ZNF141: variants seen among roughly 807,000 people sequenced by gnomAD.
The protein encoded by ZNF141 is zinc finger protein 141 (clone pHZ-44).
Under a neutral mutation model 11.3 loss-of-function variants are expected in ZNF141, and 7 were observed. The ratio of observed to expected loss-of-function variants is 0.62; its 90% CI spans 0.35 to 1.16. The LOEUF is 1.16. ZNF141 is among the 50% of genes most tolerant of loss of function. The probability of loss-of-function intolerance (pLI) is 0.02; values close to 1 mark genes in which losing one functional copy is unlikely to be tolerated. For synonymous variants in ZNF141, 183 were observed against 190.7 expected (o/e 0.96, Z 0.33); for missense variants, 535 against 554.0 (o/e 0.97, Z 0.34).
At chr4:353,703 C>G (rs1388663474) in intron 3 of ZNF141, among the ~76,000 whole-genome samples, 1 of 152,018 alleles carries the variant, frequency 6.6e-6, no homozygotes, top group East Asian at 1.9e-4. Flanking sequence ...CTCAGGTGAT[C>G]CCTCCACCTT....
intron 3 of ZNF141, among the ~76,000 whole-genome samples, chr4:369,752 A>ATTTT (rs1711942657): frequency 5.5e-5 from 2 of 36,662 alleles, no homozygotes; most frequent in African/African-American, 2.5e-4. Flanking sequence ...ATATATATAT[A>ATTTT]TATATATATA....
At position 344,323 on chromosome 4, in the gene ZNF141, A is replaced by T. The variant is rs543593811; in HGVS notation, c.131-12A>T. 1,177 of 1,600,610 alleles carry T rather than the reference A, an allele frequency of 7.4e-4. 1 individual carries two copies. The highest frequency in any genetic ancestry group is 1.5e-3 in the East Asian group (68 of 44,362). On this transcript the variant is annotated splice_polypyrimidine_tract_variant and intron_variant, in intron 2 of 3. Coordinates refer to ENST00000240499, the MANE Select transcript of ZNF141 (RefSeq NM_003441.4). ...CAATAGTCATGTTATTATTTTTTTTAAAATAAAACAGGTGTTGCTATCTCT... is the reference window on the plus strand; with the variant it reads ...CAATAGTCATGTTATTATTTTTTTTTAAATAAAACAGGTGTTGCTATCTCT...
rs1553854761 is a variant in ZNF141 at position 377,045 on chromosome 4, A to G, written c.*3183A>G. ...TAGTGAATGTAAAATTTTTAGATGTAATTTCATAATATATGTATTAAGTTA... is the reference window on the plus strand; with the variant it reads ...TAGTGAATGTAAAATTTTTAGATGTGATTTCATAATATATGTATTAAGTTA... On this transcript the variant is annotated 3_prime_UTR_variant, in exon 4 of 4. Coordinates refer to ENST00000240499, the MANE Select transcript of ZNF141 (RefSeq NM_003441.4). 6.6e-6 allele frequency among the ~76,000 whole-genome samples: 1 copy of G among 152,196 alleles called. No homozygotes were observed. The highest frequency in any genetic ancestry group is 1.5e-5 in the Non-Finnish European group (1 of 68,020).
At chr4:344,300 A>G (rs782711408) in intron 2 of ZNF141, 35 bp from the exon 3 acceptor site, 10 of 1,560,772 alleles carry the variant, frequency 6.4e-6, no homozygotes, top group Non-Finnish European at 8.8e-6. Flanking sequence ...ATCCCCATCA[A>G]TAGTCATGTT....
intron 3 of ZNF141, among the ~76,000 whole-genome samples, chr4:370,685 G>A (rs113390906): frequency 1.3e-5 from 2 of 151,914 alleles, no homozygotes; most frequent in African/African-American, 2.4e-5. Context: ...CTTATTATGT[G>A]CTTTGTTATA....
chr4:370,821 C>G (rs1712018401), intron 3 of ZNF141, among the ~76,000 whole-genome samples: 1 of 152,030 alleles, frequency 6.6e-6, no homozygotes, highest in Non-Finnish European at 1.5e-5. Flanking sequence ...AGCTCCGCCT[C>G]CCAGGTTCAC....
At chr4:344,030 T>C (rs1265614025) in intron 2 of ZNF141, 122 bp downstream of exon 2, 1 of 1,358,496 alleles carries the variant, frequency 7.4e-7, no homozygotes, top group African/African-American at 1.5e-5. Context: ...TTTCTTGAGC[T>C]AATTTGAGTC....
In ZNF141 at chr4:382,011, T is replaced by C. The variant is rs1208095364; in HGVS notation, c.*8149T>C. Among the ~76,000 whole-genome samples the C allele has an allele frequency of 6.8e-6, 1 of 147,418 alleles. No homozygotes were observed. Among genetic ancestry groups the C allele is most frequent in the Non-Finnish European group, 1.5e-5 (1 of 67,360 alleles). ...CCCAGGCTGGAGTGCAGTGGCTCGA[T>C]CTCGGCTCACTGCAAGCTCCACCTC... On this transcript the variant is annotated 3_prime_UTR_variant, in exon 4 of 4. Coordinates refer to ENST00000240499, the MANE Select transcript of ZNF141 (RefSeq NM_003441.4).
intron 3 of ZNF141, among the ~76,000 whole-genome samples, chr4:352,938 G>A (rs559670566): frequency 4.6e-5 from 7 of 152,276 alleles, no homozygotes; most frequent in African/African-American, 1.2e-4. Context: ...CATGTGCAGC[G>A]GAAGCAGTGT....
In ZNF141 at chr4:372,746, T is replaced by A. The variant is rs1366288407; in HGVS notation, c.309T>A (p.Tyr103Ter). 6.2e-7 allele frequency: 1 copy of A among 1,613,460 alleles called. No individual in the cohort carries two copies. The highest frequency in any genetic ancestry group is 2.2e-5 in the East Asian group (1 of 44,858). Residue 103 changes from tyrosine (Y) to a stop codon, truncating the protein, a stop_gained, in exon 4 of 4, where the codon TAT becomes TAA. Coordinates refer to ENST00000240499, the MANE Select transcript of ZNF141 (RefSeq NM_003441.4). LOFTEE classifies it low-confidence loss of function (END_TRUNC). ...DSFHKLILRR[Y>*]EKCGHDNLQL... ...TCCACAAACTTATACTGAGAAGATATGAGAAATGTGGACATGATAATTTAC... is the reference window on the plus strand; with the variant it reads ...TCCACAAACTTATACTGAGAAGATAAGAGAAATGTGGACATGATAATTTAC...
At position 373,570 on chromosome 4, in the gene ZNF141, G is replaced by A. The variant is rs1274759326; in HGVS notation, c.1133G>A (p.Arg378Gln). ...KCDECGKAFGRSRVLNEHKKI... is the reference protein window; with the variant it reads ...KCDECGKAFGQSRVLNEHKKI... ...GATGAATGTGGCAAAGCCTTTGGAC[G>A]GTCCAGGGTCCTGAATGAACATAAA... is the stretch of plus-strand genomic sequence containing the variant. Residue 378 changes from arginine (R) to glutamine (Q), a missense_variant, in exon 4 of 4, where the codon CGG becomes CAG. Coordinates refer to ENST00000240499, the MANE Select transcript of ZNF141 (RefSeq NM_003441.4). 7 of 1,612,422 alleles carry A rather than the reference G, an allele frequency of 4.3e-6. No homozygotes were observed. Among genetic ancestry groups the A allele is most frequent in the East Asian group, 2.2e-5 (1 of 44,748 alleles).
At position 337,839 on chromosome 4, in the gene ZNF141, C is replaced by T. The variant is rs1008096150; in HGVS notation, c.-145C>T. On this transcript the variant is annotated 5_prime_UTR_variant, in exon 1 of 4. Transcript: ENST00000240499. ...GTCTTTGCGTCTGGCTACTACCAGA[C>T]CGCGGGTTAGGGGCTTCATCTCTCT... 7.2e-6 allele frequency: 8 copies of T among 1,105,488 alleles called. No homozygotes were observed. Among genetic ancestry groups the T allele is most frequent in the African/African-American group, 4.7e-5 (3 of 63,346 alleles). The allele number at this position is 1,105,488 out of a possible 1,614,324, so 68.5% of individuals were successfully genotyped here.
At chr4:357,404 G>A (rs1011489237) in intron 3 of ZNF141, among the ~76,000 whole-genome samples, 2 of 149,176 alleles carry the variant, frequency 1.3e-5, no homozygotes, top group Admixed American at 6.7e-5. Context: ...GAGTGATAGA[G>A]TGAGACTCTG....
chr4:344,030 TA>T, intron 2 of ZNF141, 122 bp downstream of exon 2: 1 of 1,358,614 alleles, frequency 7.4e-7, no homozygotes, highest in Non-Finnish European at 9.9e-7. Flanking sequence ...TTTCTTGAGC[TA>T]ATTTGAGTCC....
rs1390745695 is a variant in ZNF141, at chr4:380,402, C to G, written c.*6540C>G. On this transcript the variant is annotated 3_prime_UTR_variant, in exon 4 of 4. Coordinates refer to ENST00000240499, the MANE Select transcript of ZNF141 (RefSeq NM_003441.4). ...GGCGTGGTGGCTCACACCTGTAATC[C>G]CAGCACTTTGGGCGCCCAAGGCAGG... Among the ~76,000 whole-genome samples the G allele has an allele frequency of 6.6e-6, 1 of 151,972 alleles. No homozygotes were observed. The highest frequency in any genetic ancestry group is 1.5e-5 in the Non-Finnish European group (1 of 68,008).
At chr4:340,465 A>G (rs73064400) in intron 1 of ZNF141, among the ~76,000 whole-genome samples, 3,547 of 152,316 alleles carry the variant, frequency 0.023, 137 homozygotes, top group African/African-American at 0.08. Flanking sequence ...CATGGGGCCC[A>G]TAAATCCAGC....
intron 1 of ZNF141, among the ~76,000 whole-genome samples, chr4:343,497 G>A (rs1224775192): frequency 1.3e-5 from 2 of 151,940 alleles, no homozygotes; most frequent in Non-Finnish European, 2.9e-5. Flanking sequence ...AGGCCGAGGA[G>A]GGCGGATCAC....
rs1349385398 is a variant in ZNF141, at chr4:376,979, G to C, written c.*3117G>C. ...TTTCACTTCATGAAGTGTTTATTATGTGAGCTGGTCAGAAATTATAAGAAT... is the reference window on the plus strand; with the variant it reads ...TTTCACTTCATGAAGTGTTTATTATCTGAGCTGGTCAGAAATTATAAGAAT... On this transcript the variant is annotated 3_prime_UTR_variant, in exon 4 of 4. Coordinates refer to ENST00000240499, the MANE Select transcript of ZNF141 (RefSeq NM_003441.4). Among the ~76,000 whole-genome samples the C allele has an allele frequency of 6.6e-6, 1 of 152,098 alleles. No individual in the cohort carries two copies. The highest frequency in any genetic ancestry group is 2.4e-5 in the African/African-American group (1 of 41,412).
chr4:357,831 G>C (rs567760173), intron 3 of ZNF141, among the ~76,000 whole-genome samples: 1 of 150,690 alleles, frequency 6.6e-6, no homozygotes, highest in East Asian at 2.0e-4. Flanking sequence ...TTAGTCTCCT[G>C]AGTAGCTGGG....
Sources: gnomAD v4.1 joint callset for allele counts (sites outside exome capture counted in the v4.1 genomes callset) on GRCh38, gnomAD v4.1.1 for gene constraint, MANE v1.5 for transcripts, NCBI Gene and HGNC (gene_info 2026-07-23, HGNC 2026-07-21) for gene names.